Variants in BMPR1B observed in about 807,000 individuals in gnomAD.
BMPR1B encodes bone morphogenetic protein receptor type 1B.
Under a neutral mutation model 59.1 loss-of-function variants are expected in BMPR1B, and 12 were observed. The ratio of observed to expected loss-of-function variants is 0.20; its 90% CI spans 0.13 to 0.33. The LOEUF (loss-of-function observed/expected upper bound fraction) is 0.33. BMPR1B is among the 10% of genes least tolerant of loss of function. BMPR1B has a pLI of 1.00. For missense variants in BMPR1B, 550 were observed against 610.9 expected (o/e 0.90, Z 1.05); for synonymous variants, 237 against 207.3 (o/e 1.14, Z -1.23).
chr4:94,964,813 G>GAAATGAGATAAGAGTTTGAAATGA (rs1184244584), intron 2 of BMPR1B, among the ~76,000 whole-genome samples: 1 of 152,088 alleles, frequency 6.6e-6, no homozygotes, highest in Non-Finnish European at 1.5e-5. Flanking sequence ...TCTTATCTTT[G>GAAATGAGATAAGAGTTTGAAATGA]AAATGAGAGT....
chr4:94,890,694 C>G (rs952812920), intron 2 of BMPR1B, among the ~76,000 whole-genome samples: 2 of 152,032 alleles, frequency 1.3e-5, no homozygotes, highest in African/African-American at 4.8e-5. Context: ...GTCTCTCTTT[C>G]TAGCTTACAG....
At chr4:94,827,566 A>G (rs1419315021) in intron 1 of BMPR1B, among the ~76,000 whole-genome samples, 4 of 151,966 alleles carry the variant, frequency 2.6e-5, no homozygotes, top group Non-Finnish European at 5.9e-5. Context: ...CTTTCCTTAG[A>G]GAGCTTACTT....
At chr4:94,877,752 A>G (rs908674787) in intron 2 of BMPR1B, among the ~76,000 whole-genome samples, 1 of 152,222 alleles carries the variant, frequency 6.6e-6, no homozygotes, top group African/African-American at 2.4e-5. Flanking sequence ...ATATTTTTCC[A>G]GAGATATCAA....
intron 3 of BMPR1B, among the ~76,000 whole-genome samples, chr4:95,042,233 G>A (rs1249811024): frequency 1.3e-5 from 2 of 152,184 alleles, no homozygotes; most frequent in Non-Finnish European, 2.9e-5. Flanking sequence ...TTGTATTAAC[G>A]GTATGTCATA....
At chr4:94,991,966 G>A (rs530534990) in intron 2 of BMPR1B, among the ~76,000 whole-genome samples, 46 of 152,142 alleles carry the variant, frequency 3.0e-4, no homozygotes, top group African/African-American at 9.9e-4. Flanking sequence ...ATATTTAAAC[G>A]CCCATTGAAC....
At chr4:94,770,186 G>GTTTTTTTTTTTTTTTTTTTTTTTTTTT (rs56902521) in intron 1 of BMPR1B, among the ~76,000 whole-genome samples, 1 of 54,136 alleles carries the variant, frequency 1.8e-5, no homozygotes, top group Non-Finnish European at 3.6e-5. Context: ...TTCTGTGTTT[G>GTTTTTTTTTTTTTTTTTTTTTTTTTTT]TTTTTTTTTT....
chr4:95,031,543 T>C (rs1197233219), intron 3 of BMPR1B, among the ~76,000 whole-genome samples: 1 of 152,028 alleles, frequency 6.6e-6, no homozygotes, highest in Non-Finnish European at 1.5e-5. Context: ...ACTATAGCCT[T>C]GAACTCCTAG....
intron 1 of BMPR1B, among the ~76,000 whole-genome samples, chr4:94,818,109 A>T (rs1028793284): frequency 6.6e-6 from 1 of 152,200 alleles, no homozygotes; most frequent in Non-Finnish European, 1.5e-5. Flanking sequence ...TTCAGTAATA[A>T]AAAAGCACTG....
chr4:94,762,630 A>C (rs977250650), intron 1 of BMPR1B, among the ~76,000 whole-genome samples: 4 of 152,214 alleles, frequency 2.6e-5, no homozygotes, highest in Non-Finnish European at 5.9e-5. Flanking sequence ...TTCAAAGTAC[A>C]TTCTGTTGAA....
At chr4:94,993,699 C>T (rs1418558626) in intron 2 of BMPR1B, among the ~76,000 whole-genome samples, 2 of 132,302 alleles carry the variant, frequency 1.5e-5, no homozygotes, top group African/African-American at 2.9e-5. Flanking sequence ...AGGTGGAGGT[C>T]ATAGTGAGCC....
At chr4:94,895,245 T>G (rs1727543681) in intron 2 of BMPR1B, among the ~76,000 whole-genome samples, 1 of 152,008 alleles carries the variant, frequency 6.6e-6, no homozygotes, top group African/African-American at 2.4e-5. Context: ...TAAGACGTGT[T>G]TATTCAAAGA....
rs188084634 is a variant in BMPR1B at position 94,791,488 on chromosome 4, G to T, written c.-183+33420G>T. Reference sequence around the variant, plus strand: ...AAAGTTATGTCTCAGTTATGCTCTTGGGAAATTTTGAAATATTTTAATGAC... The same window carrying T: ...AAAGTTATGTCTCAGTTATGCTCTTTGGAAATTTTGAAATATTTTAATGAC... On this transcript the variant is annotated intron_variant, in intron 1 of 12. Transcript: ENST00000515059. Among the ~76,000 whole-genome samples the T allele has an allele frequency of 1.9e-4, 29 of 152,054 alleles. No homozygotes were observed. In the East Asian group the frequency reaches 5.6e-3, roughly 29 times the overall value.
At chr4:95,149,295 C>G (rs1021459955) in intron 11 of BMPR1B, among the ~76,000 whole-genome samples, 35 of 152,124 alleles carry the variant, frequency 2.3e-4, no homozygotes, top group Non-Finnish European at 4.4e-4. Flanking sequence ...GGCCCCATCC[C>G]CAACTCCATT....
Position 95,063,734 on chromosome 4 carries a change from C to T in BMPR1B, c.-17-40674C>T, listed in dbSNP as rs1402845871. Among the ~76,000 whole-genome samples the T allele has an allele frequency of 2.6e-5, 4 of 152,058 alleles. No homozygotes were observed. In the East Asian group the frequency reaches 5.8e-4, roughly 22 times the overall value. ...CAGACAGGCAAAAGGACACCCCATA[C>T]TCTTGAAAAACATGCTGTATGACAT... On this transcript the variant is annotated intron_variant, in intron 3 of 12. Transcript: ENST00000515059.
At chr4:95,137,963 A>T (rs892608463) in intron 10 of BMPR1B, among the ~76,000 whole-genome samples, 4 of 152,158 alleles carry the variant, frequency 2.6e-5, no homozygotes, top group South Asian at 2.1e-4. Flanking sequence ...TGTTAGCTGC[A>T]TATTTTGCTC....
chr4:94,967,305 A>G (rs903424468), intron 2 of BMPR1B, among the ~76,000 whole-genome samples: 1 of 152,194 alleles, frequency 6.6e-6, no homozygotes, highest in Non-Finnish European at 1.5e-5. Flanking sequence ...GGCTGCATAC[A>G]ACCATAGCCG....
At chr4:94,820,666 G>A (rs898692669) in intron 1 of BMPR1B, among the ~76,000 whole-genome samples, 1 of 152,198 alleles carries the variant, frequency 6.6e-6, no homozygotes, top group Admixed American at 6.5e-5. Flanking sequence ...TTAGTTGTAC[G>A]TAGACTCAGA....
At position 95,148,674 on chromosome 4, in the gene BMPR1B, G is replaced by A. The variant is rs79956973; in HGVS notation, c.1077-74G>A. ...CCACTTTTCACTAACTAAAGCCATT[G>A]TTTCAGAATCACCTTGATTCGTTTT... On this transcript the variant is annotated intron_variant, in intron 10 of 12. Coordinates refer to ENST00000515059, the MANE Select transcript of BMPR1B (RefSeq NM_001203.3). 1.9e-3 allele frequency: 2,777 copies of A among 1,476,172 alleles called. 77 individuals are homozygous for A. In the East Asian group the frequency reaches 0.051, roughly 27 times the overall value. 91.4% of individuals were successfully genotyped at this position (1,476,172 alleles called of 1,614,324 possible).
chr4:94,960,688 T>A (rs1484440335), intron 2 of BMPR1B, among the ~76,000 whole-genome samples: 1 of 151,126 alleles, frequency 6.6e-6, no homozygotes, highest in East Asian at 1.9e-4. Flanking sequence ...AGGAATTTTA[T>A]ACAGGCTAAC....
Sources: allele counts gnomAD v4.1 joint callset (sites outside exome capture counted in the v4.1 genomes callset), GRCh38; gene constraint gnomAD v4.1.1; transcripts MANE v1.5; gene names NCBI Gene and HGNC (gene_info 2026-07-23, HGNC 2026-07-21).